Variants in FGF14 observed in about 807,000 individuals in gnomAD.
The protein encoded by FGF14 is fibroblast growth factor homologous factor 4.
FGF14 carries 5 observed loss-of-function variants against 25.5 expected under a neutral mutation model. That is an observed-to-expected ratio of 0.20 (90% confidence interval 0.10 to 0.41). The LOEUF (loss-of-function observed/expected upper bound fraction) is 0.41, where lower values mean the gene tolerates loss of function less well. Ranked by LOEUF, FGF14 falls within the 10% of genes least tolerant of loss-of-function variation. The pLI is 1.00. For missense variants in FGF14, 222 were observed against 320.1 expected (o/e 0.69, Z 2.34); for synonymous variants, 138 against 118.3 (o/e 1.17, Z -1.08).
chr13:102,263,561 A>G (rs2052828699), intron 1 of FGF14, among the ~76,000 whole-genome samples: 1 of 152,216 alleles, frequency 6.6e-6, no homozygotes, highest in South Asian at 2.1e-4. Flanking sequence ...TTTTATAAAA[A>G]CATATACTTA....
At chr13:101,745,539 T>C (rs1357624932) in intron 3 of FGF14, among the ~76,000 whole-genome samples, 1 of 152,072 alleles carries the variant, frequency 6.6e-6, no homozygotes, top group East Asian at 1.9e-4. Context: ...TAATCCCTGG[T>C]AATCAGTAAT....
intron 1 of FGF14, among the ~76,000 whole-genome samples, chr13:102,159,987 T>C (rs143702196): frequency 7.2e-5 from 11 of 152,306 alleles, no homozygotes; most frequent in East Asian, 3.9e-4. Flanking sequence ...GAATATTTCA[T>C]TGTGAAAACT....
chr13:101,850,249 C>T (rs1287566067), intron 3 of FGF14, among the ~76,000 whole-genome samples: 16 of 94,752 alleles, frequency 1.7e-4, no homozygotes, highest in African/African-American at 6.5e-4. Flanking sequence ...GCCTGGCCAA[C>T]ATGGTGAAAC....
chr13:102,277,205 T>C (rs2053592168), intron 1 of FGF14, among the ~76,000 whole-genome samples: 2 of 152,262 alleles, frequency 1.3e-5, no homozygotes, highest in South Asian at 4.1e-4. Context: ...AAGATCTATT[T>C]TAGAAATCAC....
intron 1 of FGF14, among the ~76,000 whole-genome samples, chr13:102,121,624 T>G (rs1291431238): frequency 6.6e-6 from 1 of 152,236 alleles, no homozygotes; most frequent in Non-Finnish European, 1.5e-5. Flanking sequence ...AATGTTTACT[T>G]ATATTAATTT....
intron 1 of FGF14, among the ~76,000 whole-genome samples, chr13:101,916,170 G>A (rs1264264177): frequency 6.6e-6 from 1 of 152,230 alleles, no homozygotes; most frequent in Non-Finnish European, 1.5e-5. Flanking sequence ...CGAGACTCAG[G>A]GGGAACAGGT....
intron 3 of FGF14, among the ~76,000 whole-genome samples, chr13:101,850,503 TATATATATATA>T (rs1566311555): frequency 0.59 from 6,029 of 10,164 alleles, 1,842 homozygotes; most frequent in South Asian, 0.74. Context: ...TATATATATA[TATATATATATA>T]GAATTATATA....
intron 1 of FGF14, among the ~76,000 whole-genome samples, chr13:102,370,020 CT>C (rs1389417844): frequency 6.6e-6 from 1 of 151,348 alleles, no homozygotes; most frequent in Non-Finnish European, 1.5e-5. Context: ...GAGACAAGGT[CT>C]TGCTTTGTTG....
At chr13:102,347,152 G>T (rs560315213) in intron 1 of FGF14, among the ~76,000 whole-genome samples, 10 of 152,268 alleles carry the variant, frequency 6.6e-5, no homozygotes, top group African/African-American at 2.2e-4. Context: ...AGCTGGGTTC[G>T]TTAGTGTTAT....
chr13:102,228,928 A>G (rs1185441998), intron 1 of FGF14, among the ~76,000 whole-genome samples: 3 of 152,224 alleles, frequency 2.0e-5, no homozygotes, highest in Non-Finnish European at 4.4e-5. Context: ...TGATTTAAAC[A>G]TACAGTTCTC....
chr13:102,151,509 T>G (rs2047084340), intron 1 of FGF14, among the ~76,000 whole-genome samples: 2 of 152,214 alleles, frequency 1.3e-5, no homozygotes, highest in Admixed American at 1.3e-4. Context: ...TTTGTTTGTT[T>G]GTTTTTTGAG....
chr13:102,046,039 A>T (rs551646666), intron 1 of FGF14: 158 of 154,410 alleles, frequency 1.0e-3, no homozygotes, highest in African/African-American at 3.6e-3. Flanking sequence ...GCATGTTCTT[A>T]AGGACTTTTG....
chr13:102,369,109 T>C lies in FGF14; in HGVS notation c.208+32362A>G, dbSNP rs899605252. On this transcript the variant is annotated intron_variant, in intron 1 of 4. Transcript: ENST00000376131. ...TCTTTTCCATGCAAAACTGGAATCATTGGCCCATTTACATGCCCAAGTCAC... is the reference window on the plus strand; with the variant it reads ...TCTTTTCCATGCAAAACTGGAATCACTGGCCCATTTACATGCCCAAGTCAC... 5.9e-5 allele frequency among the ~76,000 whole-genome samples: 9 copies of C among 152,200 alleles called. No homozygotes were observed. In the South Asian group the frequency reaches 8.3e-4, roughly 14 times the overall value.
intron 1 of FGF14, among the ~76,000 whole-genome samples, chr13:101,987,811 T>C (rs1194076899): frequency 6.6e-6 from 1 of 152,030 alleles, no homozygotes; most frequent in Non-Finnish European, 1.5e-5. Context: ...AAATTCATAG[T>C]AGACATCACC....
chr13:101,938,064 G>A (rs1300133475), intron 1 of FGF14, among the ~76,000 whole-genome samples: 1 of 152,188 alleles, frequency 6.6e-6, no homozygotes, highest in African/African-American at 2.4e-5. Flanking sequence ...GCTTTATACT[G>A]GCTTCCAGAC....
chr13:101,805,155 T>C (rs544188752), intron 3 of FGF14, among the ~76,000 whole-genome samples: 2 of 152,178 alleles, frequency 1.3e-5, no homozygotes, highest in Non-Finnish European at 2.9e-5. Context: ...AAATGTTTGC[T>C]GTATAAAGTG....
chr13:102,121,796 T>A (rs2140366484), intron 1 of FGF14, among the ~76,000 whole-genome samples: 1 of 152,232 alleles, frequency 6.6e-6, no homozygotes, highest in South Asian at 2.1e-4. Context: ...GTTAATGGAG[T>A]GTAAATTCAT....
At chr13:101,739,339 G>A (rs774621394) in intron 3 of FGF14, among the ~76,000 whole-genome samples, 1 of 151,902 alleles carries the variant, frequency 6.6e-6, no homozygotes, top group Admixed American at 6.6e-5. Flanking sequence ...ATAAGCAAAA[G>A]TTGACATAGT....
At chr13:101,882,406 C>G (rs2045755289) in intron 1 of FGF14, among the ~76,000 whole-genome samples, 1 of 151,996 alleles carries the variant, frequency 6.6e-6, no homozygotes, top group Non-Finnish European at 1.5e-5. Flanking sequence ...GAATCAAAAG[C>G]CTTTCAGGGA....
Sources: allele counts gnomAD v4.1 joint callset (sites outside exome capture counted in the v4.1 genomes callset), GRCh38; gene constraint gnomAD v4.1.1; transcripts MANE v1.5; gene names NCBI Gene and HGNC (gene_info 2026-07-23, HGNC 2026-07-21).